Variants in COL19A1 observed in about 807,000 individuals in gnomAD.
COL19A1 encodes the protein collagen type XIX alpha 1 chain.
Under a neutral mutation model 190.2 loss-of-function variants are expected in COL19A1, and 159 were observed. The observed-to-expected ratio is 0.84, with a 90% confidence interval of 0.73 to 0.95. The LOEUF (loss-of-function observed/expected upper bound fraction) is 0.95. Among genes scored for constraint, COL19A1 ranks in the 40% least tolerant of loss-of-function variants. The probability of loss-of-function intolerance (pLI) is 0.00; values close to 1 mark genes in which losing one functional copy is unlikely to be tolerated. For synonymous variants in COL19A1, 509 were observed against 458.9 expected (o/e 1.11, Z -1.39); for missense variants, 1,418 against 1,431.9 (o/e 0.99, Z 0.16).
At chr6:70,074,425 G>A (rs1412882665) in intron 15 of COL19A1, among the ~76,000 whole-genome samples, 1 of 149,570 alleles carries the variant, frequency 6.7e-6, no homozygotes, top group Non-Finnish European at 1.5e-5. Flanking sequence ...CTTGAACCCA[G>A]GAGGTGGAAG....
At chr6:70,110,594 T>C (rs916972269) in intron 16 of COL19A1, among the ~76,000 whole-genome samples, 2 of 152,176 alleles carry the variant, frequency 1.3e-5, no homozygotes, top group Admixed American at 6.6e-5. Context: ...AAAATTCCAG[T>C]GTCACCTTGT....
At chr6:69,955,328 G>T (rs1051163537) in intron 9 of COL19A1, among the ~76,000 whole-genome samples, 3 of 151,792 alleles carry the variant, frequency 2.0e-5, no homozygotes, top group African/African-American at 7.3e-5. Flanking sequence ...TTTTCTTTTT[G>T]TTTTTTTATT....
chr6:70,188,177 A>C lies in COL19A1; in HGVS notation c.2959A>C (p.Asn987His), dbSNP rs1210963692. ...GAIGPMGPPG[N>H]KGSMGSPGHQ... ...CATCGGTCCTATGGGTCCACCAGGAAACAAGGGCTCCATGGGATCCCCTGG... is the reference window on the plus strand; with the variant it reads ...CATCGGTCCTATGGGTCCACCAGGACACAAGGGCTCCATGGGATCCCCTGG... The change falls in exon 47 of 51, where the codon AAC becomes CAC. Residue 987 changes from asparagine to histidine, a missense_variant. Transcript: ENST00000620364. 1 of 1,613,770 alleles carries C rather than the reference A, an allele frequency of 6.2e-7. No individual in the cohort carries two copies. Among genetic ancestry groups the C allele is most frequent in the East Asian group, 2.2e-5 (1 of 44,882 alleles).
At chr6:69,914,794 A>AT (rs2149991105) in intron 4 of COL19A1, among the ~76,000 whole-genome samples, 1 of 152,328 alleles carries the variant, frequency 6.6e-6, no homozygotes, top group African/African-American at 2.4e-5. Context: ...AAACTTTTTA[A>AT]ACACTTTGCT....
At chr6:70,187,892 C>T (rs1185365436) in intron 46 of COL19A1, among the ~76,000 whole-genome samples, 183 bp from the exon 47 acceptor site, 1 of 152,076 alleles carries the variant, frequency 6.6e-6, no homozygotes, top group Admixed American at 6.6e-5. Context: ...TGAAAATCGC[C>T]CTATCTAATG....
At chr6:70,064,744 A>G (rs1781070918) in intron 14 of COL19A1, among the ~76,000 whole-genome samples, 2 of 152,228 alleles carry the variant, frequency 1.3e-5, no homozygotes, top group Admixed American at 6.5e-5. Context: ...CCTTAAGTTG[A>G]TAAGCAACTT....
At chr6:70,064,157 T>G (rs1191561155) in intron 14 of COL19A1, among the ~76,000 whole-genome samples, 3 of 152,042 alleles carry the variant, frequency 2.0e-5, no homozygotes, top group Non-Finnish European at 2.9e-5. Flanking sequence ...TACCAAAGCC[T>G]GGCAGAGACA....
At chr6:69,988,372 T>C (rs1776423057) in intron 11 of COL19A1, among the ~76,000 whole-genome samples, 1 of 152,242 alleles carries the variant, frequency 6.6e-6, no homozygotes, top group Non-Finnish European at 1.5e-5. Context: ...CTTAGGATTT[T>C]GCATGAAGTA....
intron 14 of COL19A1, among the ~76,000 whole-genome samples, chr6:70,065,508 G>A (rs947745495): frequency 6.6e-6 from 1 of 152,136 alleles, no homozygotes; most frequent in African/African-American, 2.4e-5. Flanking sequence ...AAAAACCCTA[G>A]AAGAAAACCT....
At chr6:70,039,757 A>G (rs906010833) in intron 14 of COL19A1, among the ~76,000 whole-genome samples, 1 of 143,320 alleles carries the variant, frequency 7.0e-6, no homozygotes. Context: ...TTGGGGAAGT[A>G]TTGTTTTTTT....
chr6:70,154,430 T>C (rs1228563872), intron 31 of COL19A1, among the ~76,000 whole-genome samples: 1 of 152,166 alleles, frequency 6.6e-6, no homozygotes, highest in Non-Finnish European at 1.5e-5. Context: ...CGTGTGCATG[T>C]GTCTTTATAG....
At chr6:70,192,373 C>T (rs1393745313) in intron 48 of COL19A1, among the ~76,000 whole-genome samples, 1 of 152,174 alleles carries the variant, frequency 6.6e-6, no homozygotes, top group African/African-American at 2.4e-5. Context: ...TTTACTAATA[C>T]ATTTGTCCAC....
In COL19A1 at chr6:70,208,220, TCA is replaced by T. The variant is rs1768009805; in HGVS notation, c.*947_*948del. The T allele has an allele frequency of 6.6e-6, 1 of 152,176 alleles. No homozygotes were observed. The highest frequency in any genetic ancestry group is 6.5e-5 in the Admixed American group (1 of 15,274). 9.4% of individuals were successfully genotyped at this position (152,176 alleles called of 1,614,324 possible). On this transcript the variant is annotated 3_prime_UTR_variant, in exon 51 of 51. Coordinates refer to ENST00000620364, the MANE Select transcript of COL19A1 (RefSeq NM_001858.6). ...CATTATCCTTATGACCTCATCACCC[TCA>T]GACTTTAAGACAAGAAGCCACCATC... is the stretch of plus-strand genomic sequence containing the variant.
chr6:70,174,227 C>A (rs1765667962), intron 41 of COL19A1, among the ~76,000 whole-genome samples: 1 of 152,146 alleles, frequency 6.6e-6, no homozygotes. Context: ...CCCTAGGGAC[C>A]CTCTTGAGGT....
At chr6:69,967,664 C>T (rs966501897) in intron 11 of COL19A1, among the ~76,000 whole-genome samples, 6 of 151,914 alleles carry the variant, frequency 3.9e-5, no homozygotes, top group African/African-American at 7.3e-5. Flanking sequence ...TTTTTATTGT[C>T]TTCTTCTTAC....
intron 27 of COL19A1, among the ~76,000 whole-genome samples, chr6:70,147,214 A>G (rs1786718937): frequency 6.6e-6 from 1 of 152,184 alleles, no homozygotes; most frequent in Admixed American, 6.5e-5. Context: ...TATTAGGTCA[A>G]TATATATTAC....
At chr6:69,936,560 T>A (rs1251441685) in intron 7 of COL19A1, among the ~76,000 whole-genome samples, 1 of 152,152 alleles carries the variant, frequency 6.6e-6, no homozygotes, top group African/African-American at 2.4e-5. Flanking sequence ...AAGACCATTA[T>A]TTTAAATATT....
At chr6:69,993,814 AT>A (rs1776754317) in intron 11 of COL19A1, among the ~76,000 whole-genome samples, 1 of 151,476 alleles carries the variant, frequency 6.6e-6, no homozygotes, top group African/African-American at 2.4e-5. Context: ...CCCTTTTGTC[AT>A]TTCTGATTGT....
intron 48 of COL19A1, among the ~76,000 whole-genome samples, chr6:70,191,729 T>G (rs1766884704): frequency 6.6e-6 from 1 of 152,246 alleles, no homozygotes; most frequent in Admixed American, 6.5e-5. Context: ...AACTGTAAGA[T>G]TTAACAAATG....
Sources: allele counts gnomAD v4.1 joint callset (sites outside exome capture counted in the v4.1 genomes callset), GRCh38; gene constraint gnomAD v4.1.1; transcripts MANE v1.5; gene names NCBI Gene and HGNC (gene_info 2026-07-23, HGNC 2026-07-21).